Variants in KLF12 observed in about 807,000 individuals in gnomAD.
The protein encoded by KLF12 is KLF transcription factor 12, also known as Krueppel-like factor 12.
Under a neutral mutation model 37.8 loss-of-function variants are expected in KLF12, and 9 were observed. The observed-to-expected ratio is 0.24, with a 90% CI of 0.14 to 0.42. KLF12 has a LOEUF of 0.42. KLF12 is among the 10% of genes least tolerant of loss of function. The pLI is 1.00. For missense variants in KLF12, 411 were observed against 516.0 expected, an observed-to-expected ratio of 0.80 and a Z score of 1.97; for synonymous variants, 208 against 202.1, an observed-to-expected ratio of 1.03 and a Z score of -0.25.
rs143198812 is a variant in KLF12, at chr13:73,829,348, A to C, written c.671-16061T>G. On this transcript the variant is annotated intron_variant, in intron 4 of 7. Coordinates refer to ENST00000377669, the MANE Select transcript of KLF12 (RefSeq NM_007249.5). ...TTTGACAGATGAGTCAGAGAGCAAC[A>C]AACAAAATAAATCAGTACTGTAATC... 2.5e-3 allele frequency among the ~76,000 whole-genome samples: 379 copies of C among 152,320 alleles called. 3 individuals carry two copies. Among genetic ancestry groups the C allele is most frequent in the African/African-American group, 8.4e-3 (350 of 41,572 alleles).
At chr13:73,858,334 T>C (rs569439621) in intron 3 of KLF12, among the ~76,000 whole-genome samples, 49 of 152,306 alleles carry the variant, frequency 3.2e-4, no homozygotes, top group African/African-American at 1.2e-3. Context: ...GGTGGCATGA[T>C]TTTTCCATAA....
intron 1 of KLF12, among the ~76,000 whole-genome samples, chr13:74,092,816 A>G (rs1693944908): frequency 6.6e-6 from 1 of 152,220 alleles, no homozygotes; most frequent in South Asian, 2.1e-4. Flanking sequence ...AGACATGCAA[A>G]TAGCCAACAA....
chr13:73,737,375 G>A (rs1438807734), intron 6 of KLF12, among the ~76,000 whole-genome samples: 3 of 151,998 alleles, frequency 2.0e-5, no homozygotes, highest in African/African-American at 7.3e-5. Flanking sequence ...ATTCTTCAAG[G>A]GTCCTTACAA....
chr13:73,941,544 G>C (rs975657369), intron 3 of KLF12, among the ~76,000 whole-genome samples: 1 of 151,984 alleles, frequency 6.6e-6, no homozygotes, highest in African/African-American at 2.4e-5. Flanking sequence ...CCAAATTCTG[G>C]CTCTCCTTAT....
At chr13:74,254,231 G>A in the KLF12 span, among the ~76,000 whole-genome samples, 2 of 152,126 alleles carry the variant, frequency 1.3e-5, no homozygotes, top group African/African-American at 4.8e-5. Flanking sequence ...TGATTGGAGT[G>A]GACTTTCTTG....
chr13:74,115,388 T>C (rs1053059732), intron 1 of KLF12, among the ~76,000 whole-genome samples: 4 of 152,100 alleles, frequency 2.6e-5, no homozygotes, highest in Non-Finnish European at 5.9e-5. Flanking sequence ...AGCAAGGCCA[T>C]AACTCCTTCA....
intron 3 of KLF12, among the ~76,000 whole-genome samples, chr13:73,904,969 A>AT (rs985904203): frequency 5.3e-5 from 8 of 151,952 alleles, no homozygotes; most frequent in African/African-American, 1.9e-4. Flanking sequence ...AAAAAAAAAA[A>AT]AATCATCTAA....
At chr13:73,820,322 C>T (rs1221682245) in intron 4 of KLF12, among the ~76,000 whole-genome samples, 2 of 152,160 alleles carry the variant, frequency 1.3e-5, no homozygotes, top group African/African-American at 2.4e-5. Context: ...CTATGTGGCA[C>T]GTCCTTCCTA....
the KLF12 span, among the ~76,000 whole-genome samples, chr13:74,189,329 C>T: frequency 1.2e-4 from 18 of 152,150 alleles, no homozygotes; most frequent in African/African-American, 4.3e-4. Context: ...AAGAAAAACA[C>T]ATTGTAGATC....
intron 1 of KLF12, among the ~76,000 whole-genome samples, chr13:74,112,386 G>GTGTGTT (rs755360102): frequency 9.8e-6 from 1 of 101,886 alleles, no homozygotes; most frequent in Non-Finnish European, 2.1e-5. Flanking sequence ...TGCAGATATT[G>GTGTGTT]TCTGTGTGTG....
chr13:74,201,408 C>T, the KLF12 span, among the ~76,000 whole-genome samples: 2 of 152,144 alleles, frequency 1.3e-5, no homozygotes, highest in Non-Finnish European at 2.9e-5. Context: ...CCCTTCCTTT[C>T]TCATCCTGAT....
chr13:74,180,865 A>G, the KLF12 span, among the ~76,000 whole-genome samples: 4 of 152,352 alleles, frequency 2.6e-5, no homozygotes, highest in African/African-American at 9.6e-5. Context: ...AGGATAAATG[A>G]CATTCACAAC....
chr13:74,071,763 GA>G (rs1300332586), intron 1 of KLF12, among the ~76,000 whole-genome samples: 1 of 152,194 alleles, frequency 6.6e-6, no homozygotes, highest in Non-Finnish European at 1.5e-5. Flanking sequence ...GTAGCTTAAA[GA>G]AATTAAGATA....
the KLF12 span, among the ~76,000 whole-genome samples, chr13:74,261,845 T>C: frequency 2.0e-5 from 3 of 152,316 alleles, 1 homozygote; most frequent in South Asian, 6.2e-4. Context: ...AGTACACTGG[T>C]AAACTCTGTG....
chr13:73,765,027 C>T lies in KLF12; in HGVS notation c.807-27G>A, dbSNP rs1319018411. 2.9e-6 allele frequency: 4 copies of T among 1,394,496 alleles called. No individual in the cohort carries two copies. The East Asian group carries it at 9.1e-5, about 32-fold the overall frequency. 86.4% of individuals were successfully genotyped at this position (1,394,496 alleles called of 1,614,324 possible). A position where few individuals can be genotyped will look rare whatever the true frequency, so the allele number is the denominator to read the frequency against. On this transcript the variant is annotated intron_variant, in intron 5 of 7. Transcript: ENST00000377669. ...TGTAGACAGAGAAGAATAATCCAGT[C>T]ATTGAAAAAGCATATTCCCAATTGC...
At chr13:74,115,503 G>A (rs1008439709) in intron 1 of KLF12, among the ~76,000 whole-genome samples, 1 of 152,098 alleles carries the variant, frequency 6.6e-6, no homozygotes, top group African/African-American at 2.4e-5. Context: ...TCAGGAGTTC[G>A]AGACCAGCCT....
intron 7 of KLF12, among the ~76,000 whole-genome samples, chr13:73,696,089 C>G (rs1874128000): frequency 6.7e-6 from 1 of 150,250 alleles, no homozygotes; most frequent in Non-Finnish European, 1.5e-5. Flanking sequence ...TTCCCCCTAC[C>G]AACTGTGCAT....
intron 1 of KLF12, among the ~76,000 whole-genome samples, chr13:74,123,717 T>C (rs1877771327): frequency 6.6e-6 from 1 of 152,236 alleles, no homozygotes; most frequent in South Asian, 2.1e-4. Context: ...GGGCATTTCA[T>C]ATGAGCTAGA....
chr13:74,099,473 A>G (rs570236706), intron 1 of KLF12, among the ~76,000 whole-genome samples: 5 of 152,372 alleles, frequency 3.3e-5, no homozygotes, highest in African/African-American at 1.2e-4. Context: ...AACCACGAGA[A>G]GAACACTATG....
Sources: allele counts gnomAD v4.1 joint callset (sites outside exome capture counted in the v4.1 genomes callset), GRCh38; gene constraint gnomAD v4.1.1; transcripts MANE v1.5; gene names NCBI Gene and HGNC (gene_info 2026-07-23, HGNC 2026-07-21).